MACROD2: variants seen among roughly 807,000 people sequenced by gnomAD.
MACROD2 encodes ADP-ribose glycohydrolase MACROD2.
MACROD2 carries 36 observed loss-of-function variants against 70.4 expected under a neutral mutation model. The ratio of observed to expected loss-of-function variants is 0.51; its 90% CI spans 0.39 to 0.68. The LOEUF is 0.68. Ranked by LOEUF, MACROD2 falls within the 30% of genes least tolerant of loss-of-function variation. The pLI is 0.00. For synonymous variants in MACROD2, 172 were observed against 178.8 expected (o/e 0.96, Z 0.30); for missense variants, 496 against 538.4 (o/e 0.92, Z 0.78).
At chr20:14,404,825 C>T (rs910909373) in intron 3 of MACROD2, among the ~76,000 whole-genome samples, 2 of 151,606 alleles carry the variant, frequency 1.3e-5, no homozygotes, top group Non-Finnish European at 2.9e-5. Flanking sequence ...AAATGCAACA[C>T]TAGAAATGAA....
intron 8 of MACROD2, among the ~76,000 whole-genome samples, chr20:15,742,655 G>A (rs1049191433): frequency 1.3e-5 from 2 of 152,182 alleles, no homozygotes; most frequent in African/African-American, 2.4e-5. Context: ...CTGATTTACT[G>A]AAGTTGTGCT....
chr20:15,127,563 G>T (rs2076075953), intron 5 of MACROD2, among the ~76,000 whole-genome samples: 1 of 152,012 alleles, frequency 6.6e-6, no homozygotes, highest in African/African-American at 2.4e-5. Context: ...GGAGCTGGAG[G>T]CTCTATTTCA....
intron 7 of MACROD2, among the ~76,000 whole-genome samples, chr20:15,474,028 A>G (rs892980162): frequency 2.0e-5 from 3 of 152,212 alleles, no homozygotes; most frequent in African/African-American, 4.8e-5. Context: ...AACTCATGCC[A>G]TTGCGGACCT....
intron 5 of MACROD2, among the ~76,000 whole-genome samples, chr20:15,103,567 G>A (rs904359313): frequency 7.9e-5 from 12 of 152,082 alleles, no homozygotes; most frequent in African/African-American, 2.9e-4. Context: ...CATTAGTATT[G>A]GCTGTAAGTA....
Position 15,038,624 on chromosome 20 carries a change from C to T in MACROD2, c.419-191316C>T, listed in dbSNP as rs117984028. Among the ~76,000 whole-genome samples, 13 of 152,262 alleles carry T rather than the reference C, an allele frequency of 8.5e-5. No individual in the cohort carries two copies. In the East Asian group the frequency reaches 2.5e-3, roughly 29 times the overall value. On this transcript the variant is annotated intron_variant, in intron 5 of 17. Transcript: ENST00000684519. ...ATGGCTGATTCAACAATGCAGCAAA[C>T]CCCAGCAGTTTCAGTAGTTCCACAC...
intron 3 of MACROD2, among the ~76,000 whole-genome samples, chr20:14,243,986 C>A (rs1260977461): frequency 6.6e-6 from 1 of 152,072 alleles, no homozygotes; most frequent in Non-Finnish European, 1.5e-5. Context: ...TTATTGAAGA[C>A]CAAATTAGAC....
chr20:15,905,342 A>G (rs1028332113), intron 10 of MACROD2, among the ~76,000 whole-genome samples: 2 of 152,258 alleles, frequency 1.3e-5, no homozygotes, highest in African/African-American at 4.8e-5. Context: ...AGATCAGTTT[A>G]TCAGGGCATA....
chr20:15,626,119 G>C (rs1304607266), intron 8 of MACROD2, among the ~76,000 whole-genome samples: 1 of 152,008 alleles, frequency 6.6e-6, no homozygotes, highest in East Asian at 1.9e-4. Flanking sequence ...AATAGCCAAG[G>C]GAAAACTGGC....
At chr20:15,352,107 A>G (rs2078234061) in intron 6 of MACROD2, among the ~76,000 whole-genome samples, 1 of 152,234 alleles carries the variant, frequency 6.6e-6, no homozygotes, top group Non-Finnish European at 1.5e-5. Flanking sequence ...CATGTGCAGC[A>G]GAGTGTAGAA....
intron 13 of MACROD2, among the ~76,000 whole-genome samples, chr20:15,974,005 A>C (rs1260923216): frequency 6.6e-6 from 1 of 152,246 alleles, no homozygotes; most frequent in African/African-American, 2.4e-5. Flanking sequence ...ATGACAGAAC[A>C]AATAGACTAC....
At chr20:14,017,434 C>T (rs6042480) in intron 2 of MACROD2, among the ~76,000 whole-genome samples, 1,759 of 152,188 alleles carry the variant, frequency 0.012, 32 homozygotes, top group African/African-American at 0.04. Context: ...TCTTTCACCA[C>T]TGAGTATTGA....
At chr20:14,532,787 T>C (rs781280255) in intron 4 of MACROD2, among the ~76,000 whole-genome samples, 1 of 152,226 alleles carries the variant, frequency 6.6e-6, no homozygotes, top group Non-Finnish European at 1.5e-5. Context: ...CTCAGAGTGC[T>C]GAATTAATGA....
intron 3 of MACROD2, among the ~76,000 whole-genome samples, chr20:14,315,653 G>T (rs1201857974): frequency 6.6e-6 from 1 of 152,160 alleles, no homozygotes; most frequent in African/African-American, 2.4e-5. Context: ...TAGCTTAATA[G>T]CTAGAAGCAT....
At chr20:15,198,797 G>A (rs915997878) in intron 5 of MACROD2, among the ~76,000 whole-genome samples, 15 of 152,166 alleles carry the variant, frequency 9.9e-5, no homozygotes, top group African/African-American at 3.6e-4. Context: ...ACTCCGTAGA[G>A]TGTAGCAATC....
At chr20:14,238,666 T>G (rs1186361670) in intron 3 of MACROD2, among the ~76,000 whole-genome samples, 3 of 152,110 alleles carry the variant, frequency 2.0e-5, no homozygotes, top group Admixed American at 6.5e-5. Context: ...TCCCACAGTC[T>G]CTACCCAAAA....
intron 3 of MACROD2, among the ~76,000 whole-genome samples, chr20:14,343,364 G>T (rs1299734287): frequency 3.3e-5 from 5 of 152,074 alleles, no homozygotes; most frequent in African/African-American, 1.2e-4. Context: ...AGCTCTTTGA[G>T]CCTTAGTTCC....
Position 15,669,330 on chromosome 20 carries a change from G to T in MACROD2, c.645+169483G>T, listed in dbSNP as rs2049946229. Among the ~76,000 whole-genome samples the T allele has an allele frequency of 2.6e-5, 4 of 152,166 alleles. No individual in the cohort carries two copies. The South Asian group carries it at 8.3e-4, about 32-fold the overall frequency. ...TTATTGCACACATGAAATGTGCAGG[G>T]TATAAGTTTTTATATTTTTCCTTCA... On this transcript the variant is annotated intron_variant, in intron 8 of 17. Transcript: ENST00000684519.
chr20:15,356,982 A>C (rs1345763887), intron 6 of MACROD2, among the ~76,000 whole-genome samples: 2 of 152,226 alleles, frequency 1.3e-5, no homozygotes, highest in Non-Finnish European at 2.9e-5. Context: ...TATAGGTCAG[A>C]AAAGGATAAC....
intron 5 of MACROD2, among the ~76,000 whole-genome samples, chr20:14,817,373 T>C (rs1417562827): frequency 2.6e-5 from 4 of 152,178 alleles, no homozygotes; most frequent in Non-Finnish European, 5.9e-5. Context: ...GTTGCCCCTG[T>C]GGCTCATACA....
Sources: gnomAD v4.1 joint callset for allele counts (sites outside exome capture counted in the v4.1 genomes callset) on GRCh38, gnomAD v4.1.1 for gene constraint, MANE v1.5 for transcripts, NCBI Gene and HGNC (gene_info 2026-07-23, HGNC 2026-07-21) for gene names.